Variants in MAPT observed in about 807,000 individuals in gnomAD.
MAPT encodes microtubule-associated protein tau.
MAPT carries 34 observed loss-of-function variants against 67.9 expected under a neutral mutation model. That is an observed-to-expected ratio of 0.50 (90% CI 0.38 to 0.67). The LOEUF (loss-of-function observed/expected upper bound fraction) is 0.67. Among genes scored for constraint, MAPT ranks in the 30% least tolerant of loss-of-function variants. The pLI, the probability that MAPT is intolerant of heterozygous loss-of-function variation, is 0.00. For missense variants in MAPT, 881 were observed against 1,115.2 expected (o/e 0.79, Z 2.99); for synonymous variants, 456 against 464.5 (o/e 0.98, Z 0.23).
At chr17:45,991,327 T>A in intron 7 of MAPT, 133 bp from the exon 8 acceptor site, 1 of 1,090,734 alleles carries the variant, frequency 9.2e-7, no homozygotes. Flanking sequence ...ACTAGTGGCA[T>A]CTAGGAGGCA....
chr17:45,984,381 A>G (rs965697760), intron 5 of MAPT, among the ~76,000 whole-genome samples: 7 of 152,256 alleles, frequency 4.6e-5, no homozygotes, highest in Non-Finnish European at 7.3e-5. Flanking sequence ...TAACTTGCCG[A>G]AGGCCAATGA....
At chr17:45,956,307 C>T (rs1207431550) in intron 1 of MAPT, among the ~76,000 whole-genome samples, 2 of 152,036 alleles carry the variant, frequency 1.3e-5, no homozygotes, top group South Asian at 2.1e-4. Context: ...CAGGGCACCG[C>T]GGGGGGCTTT....
intron 11 of MAPT, among the ~76,000 whole-genome samples, chr17:46,015,167 C>A (rs954898591): frequency 6.6e-6 from 1 of 151,772 alleles, no homozygotes; most frequent in African/African-American, 2.4e-5. Flanking sequence ...TGAGACCAGC[C>A]TGGCCAACAT....
chr17:45,973,604 T>C (rs2071968903), intron 3 of MAPT: 1 of 152,194 alleles, frequency 6.6e-6, no homozygotes, highest in South Asian at 2.1e-4. Context: ...TTCATTGAAC[T>C]TGGAAAGCCT....
intron 9 of MAPT, among the ~76,000 whole-genome samples, chr17:45,997,686 G>C (rs1191599012): frequency 1.3e-5 from 2 of 152,190 alleles, no homozygotes; most frequent in Non-Finnish European, 2.9e-5. Context: ...CTTGAACCCA[G>C]GAGGCAGAGG....
intron 1 of MAPT, among the ~76,000 whole-genome samples, chr17:45,904,336 T>TTA (rs1423183040): frequency 4.8e-5 from 4 of 82,570 alleles, no homozygotes; most frequent in South Asian, 2.8e-4. Context: ...ATATTATATA[T>TTA]TATATATATA....
intron 10 of MAPT, among the ~76,000 whole-genome samples, chr17:46,012,337 T>C (rs2075872321): frequency 6.6e-6 from 1 of 152,018 alleles, no homozygotes. Flanking sequence ...ATCTGCGGGC[T>C]AGCCTGTGAC....
chr17:45,987,393 A>AGGACAGTAAATGAAGGTGTGTACCAC (rs1271709991), intron 6 of MAPT, among the ~76,000 whole-genome samples: 1 of 151,798 alleles, frequency 6.6e-6, no homozygotes, highest in Non-Finnish European at 1.5e-5. Flanking sequence ...TGAAAACCAA[A>AGGACAGTAAATGAAGGTGTGTACCAC]CCCAGGACAG....
rs1332161681 is a variant in MAPT at position 45,983,202 on chromosome 17, A to C, written c.623A>C (p.Gln208Pro). 3.7e-6 allele frequency: 6 copies of C among 1,608,728 alleles called. No individual in the cohort carries two copies. The East Asian group carries it at 1.3e-4, about 36-fold the overall frequency. ...GAGCCTGAAAGTGGTAAGGTGGTCC[A>C]GGAAGGCTTCCTCCGAGAGCCAGGC... is the stretch of plus-strand genomic sequence containing the variant. The part of the protein sequence containing the change: ...HTEPESGKVV[Q>P]EGFLREPGPP... Residue 208 changes from glutamine to proline, a missense_variant, in exon 5 of 13, where the codon CAG (glutamine) becomes CCG (proline). By Grantham distance (76) the Gln-to-Pro change is moderately conservative. Around this residue, in one of 6 missense-constraint regions of MAPT, gnomAD observed 687 missense variants for 766.1 expected, o/e 0.90. Transcript: ENST00000262410.
intron 5 of MAPT, among the ~76,000 whole-genome samples, chr17:45,986,739 C>A (rs1335340634): frequency 6.6e-6 from 1 of 152,192 alleles, no homozygotes; most frequent in Non-Finnish European, 1.5e-5. Context: ...CCTTAGATAG[C>A]CTCCATGCCA....
At chr17:45,967,383 T>C (rs1056525760) in intron 2 of MAPT, among the ~76,000 whole-genome samples, 1 of 152,172 alleles carries the variant, frequency 6.6e-6, no homozygotes, top group African/African-American at 2.4e-5. Flanking sequence ...CATGCCCATA[T>C]AGATGTCCCT....
Position 45,988,886 on chromosome 17 carries a change from AAAAC to A in MAPT, c.1408-968_1408-965del, listed in dbSNP as rs72204658. ...GGCAACAGAGGGAGACCCTGTCTCT[AAAAC>A]AAACAAACAAACAAACAAACAAAAG... On this transcript the variant is annotated intron_variant, in intron 6 of 12. Coordinates refer to ENST00000262410, the MANE Select transcript of MAPT (RefSeq NM_001377265.1). Among the ~76,000 whole-genome samples, 92 of 152,046 alleles carry A rather than the reference AAAAC, an allele frequency of 6.1e-4. No homozygotes were observed. The South Asian group carries it at 9.3e-3, about 15-fold the overall frequency.
chr17:45,923,012 C>T (rs991820096), intron 1 of MAPT, among the ~76,000 whole-genome samples: 1 of 152,200 alleles, frequency 6.6e-6, no homozygotes, highest in Admixed American at 6.5e-5. Context: ...CTTCTTCTGC[C>T]ACTCGTTAGC....
chr17:45,989,887 C>T lies in MAPT; in HGVS notation c.1417C>T (p.Arg473Cys), dbSNP rs986393575. The T allele has an allele frequency of 7.4e-6, 12 of 1,613,820 alleles. No homozygotes were observed. The highest frequency in any genetic ancestry group is 1.3e-5 in the African/African-American group (1 of 74,920). Reference sequence around the variant, plus strand: ...TATGTTTATGTTTAAGACATCCACACGTTCCTCTGCTAAAACCTTGAAAAA... The same window carrying T: ...TATGTTTATGTTTAAGACATCCACATGTTCCTCTGCTAAAACCTTGAAAAA... ...SDDKKAKTST[R>C]SSAKTLKNRP... The change falls in exon 7 of 13, where the codon CGT becomes TGT. Residue 473 changes from arginine to cysteine, a missense_variant. Physicochemically the swap from Arg to Cys is radical, Grantham distance 180. Coordinates refer to ENST00000262410, the MANE Select transcript of MAPT (RefSeq NM_001377265.1).
At chr17:45,966,196 CACA>C (rs2071062340) in intron 2 of MAPT, among the ~76,000 whole-genome samples, 1 of 152,200 alleles carries the variant, frequency 6.6e-6, no homozygotes, top group African/African-American at 2.4e-5. Flanking sequence ...GTAAGATGTT[CACA>C]ACAAGGGAAC....
In MAPT at chr17:45,937,811, G is replaced by A. The variant is rs527744228; in HGVS notation, c.-17-24510G>A. The stretch of plus-strand genomic sequence containing the variant: ...GCTGCCCCTAAATAGAAAGCACTCT[G>A]GAGGCAAACAAATCTGACTCCAATC... On this transcript the variant is annotated intron_variant, in intron 1 of 12. Coordinates refer to ENST00000262410, the MANE Select transcript of MAPT (RefSeq NM_001377265.1). Among the ~76,000 whole-genome samples, 5 of 152,202 alleles carry A rather than the reference G, an allele frequency of 3.3e-5. No individual in the cohort carries two copies. In the East Asian group the frequency reaches 9.7e-4, roughly 29 times the overall value.
chr17:45,915,320 G>T lies in MAPT; in HGVS notation c.-18+20634G>T, dbSNP rs1247957358. ...TGTGTGAGCGTGTGTGAGTCTGTGT[G>T]TGTAGTGTGTGTGTGAAGTATGTGG... On this transcript the variant is annotated intron_variant, in intron 1 of 12. Transcript: ENST00000262410. This position sits in a 1 kb window ranked among gnomAD's most constrained non-coding sequence, Gnocchi z 4.4. Among the ~76,000 whole-genome samples, 2 of 150,428 alleles carry T rather than the reference G, an allele frequency of 1.3e-5. No individual in the cohort carries two copies. The highest frequency in any genetic ancestry group is 4.9e-5 in the African/African-American group (2 of 40,726).
At chr17:45,913,723 G>A (rs2064960347) in intron 1 of MAPT, among the ~76,000 whole-genome samples, 1 of 152,200 alleles carries the variant, frequency 6.6e-6, no homozygotes, top group African/African-American at 2.4e-5. Flanking sequence ...ACTCTAAAAT[G>A]CTTTGGACAA....
intron 12 of MAPT, among the ~76,000 whole-genome samples, chr17:46,023,383 G>GTGT (rs1468201790): frequency 1.3e-5 from 2 of 152,220 alleles, no homozygotes; most frequent in Admixed American, 1.3e-4. Flanking sequence ...TAAGCAGCCT[G>GTGT]TGTATCTATA....
Sources: allele counts gnomAD v4.1 joint callset (sites outside exome capture counted in the v4.1 genomes callset), GRCh38; gene constraint gnomAD v4.1.1; regional missense constraint gnomAD v4.1.1; non-coding constraint Gnocchi (gnomAD v3.1); transcripts MANE v1.5; gene names NCBI Gene and HGNC (gene_info 2026-07-23, HGNC 2026-07-21).